Variants in NPNT observed in about 807,000 individuals in gnomAD.
NPNT encodes the protein preosteoblast EGF-like repeat protein with MAM domain.
In NPNT, 45 loss-of-function variants were observed where a neutral mutation model predicts 68.6. That is an observed-to-expected ratio of 0.66 (90% CI 0.52 to 0.84). The LOEUF (loss-of-function observed/expected upper bound fraction) is 0.84. Ranked by LOEUF, NPNT falls within the 40% of genes least tolerant of loss-of-function variation. The pLI, the probability that NPNT is intolerant of heterozygous loss-of-function variation, is 0.00. For synonymous variants in NPNT, 233 were observed against 253.3 expected (o/e 0.92, Z 0.76); for missense variants, 672 against 714.8 (o/e 0.94, Z 0.68).
chr4:105,904,166 T>G (rs1008887310), intron 2 of NPNT, among the ~76,000 whole-genome samples: 6 of 152,168 alleles, frequency 3.9e-5, no homozygotes, highest in Non-Finnish European at 8.8e-5. Flanking sequence ...TGATGAACAT[T>G]TATGTTGATT....
At chr4:105,917,850 G>A (rs567580041) in intron 2 of NPNT, among the ~76,000 whole-genome samples, 2 of 152,170 alleles carry the variant, frequency 1.3e-5, no homozygotes, top group South Asian at 4.1e-4. Context: ...CAATGGGATA[G>A]GCAAGGGTCA....
intron 3 of NPNT, among the ~76,000 whole-genome samples, chr4:105,934,622 A>T (rs1185318421): frequency 1.3e-5 from 2 of 152,244 alleles, no homozygotes; most frequent in Non-Finnish European, 2.9e-5. Context: ...AGCAGCTGGT[A>T]GAGTACAGCT....
chr4:105,945,168 A>G lies in NPNT; in HGVS notation c.1159+2466A>G, dbSNP rs545286335. On this transcript the variant is annotated intron_variant, in intron 8 of 11. Transcript: ENST00000379987. ...ATATTTTTAAATTGATTTTTAATTG[A>G]CAGATAATAACAATATATTTATGGG... 1.4e-4 allele frequency among the ~76,000 whole-genome samples: 5 copies of G among 35,722 alleles called. No individual in the cohort carries two copies. In the South Asian group the frequency reaches 0.012, roughly 85 times the overall value. 23.4% of individuals were successfully genotyped at this position (35,722 alleles called of 152,430 possible). A position where few individuals can be genotyped will look rare whatever the true frequency, so the allele number is the denominator to read the frequency against.
rs148041580 is a variant in NPNT at position 105,911,563 on chromosome 4, G to T, written c.172+13562G>T. The stretch of plus-strand genomic sequence containing the variant: ...TCTTCCCTTTACTTTCATCAAACTG[G>T]GTTATTTATGTATGTTCAAGTGAAA... On this transcript the variant is annotated intron_variant, in intron 2 of 11. Coordinates refer to ENST00000379987, the MANE Select transcript of NPNT (RefSeq NM_001033047.3). 3.8e-3 allele frequency: 583 copies of T among 152,594 alleles called. 5 individuals carry two copies. Among genetic ancestry groups the T allele is most frequent in the African/African-American group, 0.013 (550 of 41,500 alleles). 9.5% of individuals were successfully genotyped at this position (152,594 alleles called of 1,614,324 possible).
In NPNT at chr4:105,936,950, T is replaced by A. The variant is rs199609965; in HGVS notation, c.266-59T>A. The A allele has an allele frequency of 2.8e-4, 421 of 1,527,930 alleles. 3 individuals are homozygous for A. The South Asian group carries it at 5.0e-3, about 18-fold the overall frequency. 94.6% of individuals were successfully genotyped at this position (1,527,930 alleles called of 1,614,324 possible). ...TTTTAATATAGAAAAGAATTTTAGATGGCTTACATTAGTGCTGAGGTTTTG... is the reference window on the plus strand; with the variant it reads ...TTTTAATATAGAAAAGAATTTTAGAAGGCTTACATTAGTGCTGAGGTTTTG... On this transcript the variant is annotated intron_variant, in intron 3 of 11. Transcript: ENST00000379987.
chr4:105,933,562 G>T (rs1453235141), intron 3 of NPNT, among the ~76,000 whole-genome samples: 4 of 152,198 alleles, frequency 2.6e-5, no homozygotes, highest in Non-Finnish European at 5.9e-5. Flanking sequence ...AATTTTGGTA[G>T]TTGACATATT....
chr4:105,914,582 C>T (rs373315089), intron 2 of NPNT, among the ~76,000 whole-genome samples: 13 of 147,104 alleles, frequency 8.8e-5, no homozygotes, highest in African/African-American at 3.0e-4. Flanking sequence ...TAGGCATTCA[C>T]GTCACTCACT....
chr4:105,946,877 C>T (rs533989267), intron 8 of NPNT, among the ~76,000 whole-genome samples: 1 of 152,222 alleles, frequency 6.6e-6, no homozygotes, highest in East Asian at 1.9e-4. Flanking sequence ...AAAACAGGTT[C>T]GAGAGCAGAG....
chr4:105,946,601 G>C (rs1041202936), intron 8 of NPNT, among the ~76,000 whole-genome samples: 1 of 152,134 alleles, frequency 6.6e-6, no homozygotes, highest in Non-Finnish European at 1.5e-5. Context: ...ATGCCTACCT[G>C]ACCTGCAAAA....
chr4:105,943,665 G>A (rs1353880650), intron 8 of NPNT, among the ~76,000 whole-genome samples: 2 of 152,158 alleles, frequency 1.3e-5, no homozygotes, highest in African/African-American at 4.8e-5. Context: ...TTATCTGCTT[G>A]TCCTGTGTCA....
chr4:105,919,460 C>T (rs1004076714), intron 2 of NPNT, among the ~76,000 whole-genome samples: 1 of 152,048 alleles, frequency 6.6e-6, no homozygotes, highest in African/African-American at 2.4e-5. Flanking sequence ...ATTTAGATTT[C>T]CCTAATTGTC....
At chr4:105,967,492 T>C (rs1450666384) in intron 11 of NPNT, 48 bp downstream of exon 11, 2 of 1,483,490 alleles carry the variant, frequency 1.3e-6, no homozygotes, top group Admixed American at 4.8e-5. Flanking sequence ...TTTCCTTTCA[T>C]AGGAGAACTC....
intron 6 of NPNT, 21 bp from the exon 7 acceptor site, chr4:105,940,493 T>G: frequency 6.2e-7 from 1 of 1,604,716 alleles, no homozygotes; most frequent in Non-Finnish European, 8.5e-7. Flanking sequence ...AAGTCTCTTC[T>G]TTTCCTACTT....
chr4:105,902,089 A>G (rs1256259656), intron 2 of NPNT, among the ~76,000 whole-genome samples: 1 of 152,218 alleles, frequency 6.6e-6, no homozygotes, highest in Non-Finnish European at 1.5e-5. Context: ...TAAATGGAAC[A>G]TGATTTATTT....
chr4:105,932,639 C>T (rs1162262468), intron 3 of NPNT: 46 of 1,535,818 alleles, frequency 3.0e-5, no homozygotes, highest in Middle Eastern at 3.3e-4. Context: ...CTCCTCTTGA[C>T]CAAGGCAGTG....
intron 3 of NPNT, chr4:105,932,722 A>G (rs1194919898): frequency 1.3e-6 from 2 of 1,512,710 alleles, no homozygotes; most frequent in Non-Finnish European, 8.9e-7. Context: ...GCATTGTCCC[A>G]GGTGGTCTGC....
At position 105,950,012 on chromosome 4, in the gene NPNT, C is replaced by T. The variant is rs983531325; in HGVS notation, c.1159+7310C>T. On this transcript the variant is annotated intron_variant, in intron 8 of 11. Coordinates refer to ENST00000379987, the MANE Select transcript of NPNT (RefSeq NM_001033047.3). ...CGTTGATAACAGTAATTCATTATAT[C>T]ATTAATTCCTTCAGAGAGGGGGCAG... Among the ~76,000 whole-genome samples the T allele has an allele frequency of 3.9e-5, 6 of 152,166 alleles. No homozygotes were observed. In the East Asian group the frequency reaches 7.7e-4, roughly 20 times the overall value.
Position 105,970,533 on chromosome 4 carries a change from C to G in NPNT, c.*1543C>G, listed in dbSNP as rs529335240. The G allele has an allele frequency of 5.9e-6, 4 of 682,284 alleles. No homozygotes were observed. In the Admixed American group the frequency reaches 6.1e-5, roughly 10 times the overall value. The allele number at this position is 682,284 out of a possible 1,614,324, so 42.3% of individuals were successfully genotyped here. On this transcript the variant is annotated 3_prime_UTR_variant, in exon 12 of 12. Transcript: ENST00000379987. ...TGAAGGGTTGGCACAGAGAGGGTGG[C>G]GACCAGCTGTTCTCCATATGCACTA... is the stretch of plus-strand genomic sequence containing the variant.
rs113702664 is a variant in NPNT at position 105,927,501 on chromosome 4, C to T, written c.265+73C>T. 7.3e-3 allele frequency: 6,165 copies of T among 842,724 alleles called. 39 individuals carry two copies. Among genetic ancestry groups the T allele is most frequent in the Middle Eastern group, 0.022 (94 of 4,334 alleles). The allele number at this position is 842,724 out of a possible 1,614,324, so 52.2% of individuals were successfully genotyped here. On this transcript the variant is annotated intron_variant, in intron 3 of 11. Coordinates refer to ENST00000379987, the MANE Select transcript of NPNT (RefSeq NM_001033047.3). ...ACTCCCAAATTAAAAATATTCTTAT[C>T]TCAAACTACTTTCCATGGCTATTTT...
Sources: gnomAD v4.1 joint callset for allele counts (sites outside exome capture counted in the v4.1 genomes callset) on GRCh38, gnomAD v4.1.1 for gene constraint, MANE v1.5 for transcripts, NCBI Gene and HGNC (gene_info 2026-07-23, HGNC 2026-07-21) for gene names.